Variants in EYA2 observed in about 807,000 individuals in gnomAD.
The protein encoded by EYA2 is EYA transcriptional coactivator and phosphatase 2.
In EYA2, 31 loss-of-function variants were observed where a neutral mutation model predicts 69.2. The ratio of observed to expected loss-of-function variants is 0.45; its 90% CI spans 0.34 to 0.60. EYA2 has a LOEUF of 0.60. Ranked by LOEUF, EYA2 falls within the 20% of genes least tolerant of loss-of-function variation. EYA2 has a pLI of 0.02. For missense variants in EYA2, 622 were observed against 701.2 expected, an observed-to-expected ratio of 0.89 and a Z score of 1.28; for synonymous variants, 257 against 279.4, an observed-to-expected ratio of 0.92 and a Z score of 0.80.
At chr20:47,144,692 T>C (rs1283497011) in intron 10 of EYA2, among the ~76,000 whole-genome samples, 3 of 152,224 alleles carry the variant, frequency 2.0e-5, no homozygotes, top group Admixed American at 6.5e-5. Flanking sequence ...TAAAATGGAA[T>C]TGGTATTCTT....
intron 7 of EYA2, among the ~76,000 whole-genome samples, chr20:47,086,221 C>T (rs1287833896): frequency 6.6e-6 from 1 of 152,256 alleles, no homozygotes; most frequent in Middle Eastern, 3.4e-3. Context: ...CACAGTGGCT[C>T]ATTCCTGTAA....
chr20:47,185,438 T>A (rs1198095514), intron 15 of EYA2, among the ~76,000 whole-genome samples: 2 of 151,858 alleles, frequency 1.3e-5, no homozygotes, highest in Non-Finnish European at 2.9e-5. Context: ...GTAGCTGGGA[T>A]TACAGGCATG....
chr20:47,083,193 A>C (rs1182545643), intron 7 of EYA2, among the ~76,000 whole-genome samples: 2 of 152,248 alleles, frequency 1.3e-5, no homozygotes, highest in East Asian at 3.8e-4. Flanking sequence ...CTGTCTCCAC[A>C]GTAAATAAAT....
chr20:47,144,347 A>G (rs1211459846), intron 10 of EYA2, among the ~76,000 whole-genome samples: 5 of 130,030 alleles, frequency 3.8e-5, no homozygotes, highest in Admixed American at 2.9e-4. Context: ...AGAGCAAGAC[A>G]CCATCAAAAA....
At chr20:46,928,918 C>T (rs1205472449) in intron 1 of EYA2, among the ~76,000 whole-genome samples, 1 of 152,138 alleles carries the variant, frequency 6.6e-6, no homozygotes, top group Non-Finnish European at 1.5e-5. Context: ...CAAGCAAATT[C>T]TCCCCTCCAA....
At chr20:47,059,928 C>T (rs2030802250) in intron 5 of EYA2, among the ~76,000 whole-genome samples, 1 of 152,194 alleles carries the variant, frequency 6.6e-6, no homozygotes. Flanking sequence ...CTTCCTAGAG[C>T]AGAGATCACA....
rs781770395 is a variant in EYA2 at position 47,179,877 on chromosome 20, C to T, written c.1278C>T (p.Thr426=). Reference sequence around the variant, plus strand: ...AAGCTCTCACAGACCTCTGGCTGACCCACTCCCTGAAGGCACTAAACCTCA... The same window carrying T: ...AAGCTCTCACAGACCTCTGGCTGACTCACTCCCTGAAGGCACTAAACCTCA... The part of the protein sequence containing the change: ...ELEALTDLWL[T]HSLKALNLIN... Residue 426 remains threonine, a synonymous_variant, in exon 13 of 16, where the codon ACC becomes ACT. Coordinates refer to ENST00000327619, the MANE Select transcript of EYA2 (RefSeq NM_005244.5). 6.2e-7 allele frequency: 1 copy of T among 1,614,046 alleles called. No homozygotes were observed. The highest frequency in any genetic ancestry group is 8.5e-7 in the Non-Finnish European group (1 of 1,179,998).
At chr20:47,164,602 G>C (rs1300504765) in intron 10 of EYA2, among the ~76,000 whole-genome samples, 2 of 152,170 alleles carry the variant, frequency 1.3e-5, no homozygotes, top group Admixed American at 6.5e-5. Flanking sequence ...TAACATGTCA[G>C]GATTGCTCAT....
At chr20:47,038,335 A>G (rs1984834527) in intron 5 of EYA2, among the ~76,000 whole-genome samples, 1 of 152,084 alleles carries the variant, frequency 6.6e-6, no homozygotes, top group Admixed American at 6.5e-5. Context: ...CCCCGTCTCT[A>G]CAAAAATTAG....
chr20:47,089,943 G>T (rs1397550645), intron 8 of EYA2, among the ~76,000 whole-genome samples: 1 of 151,774 alleles, frequency 6.6e-6, no homozygotes, highest in African/African-American at 2.4e-5. Context: ...TCTCGGTGGG[G>T]ACTCTAATAA....
At chr20:46,956,732 A>G (rs1355736576) in intron 1 of EYA2, among the ~76,000 whole-genome samples, 1 of 152,208 alleles carries the variant, frequency 6.6e-6, no homozygotes, top group Non-Finnish European at 1.5e-5. Flanking sequence ...GTGGGCACAT[A>G]AGCATCCCTG....
chr20:47,074,533 A>G (rs1379157865), intron 7 of EYA2, among the ~76,000 whole-genome samples, 198 bp downstream of exon 7: 1 of 152,224 alleles, frequency 6.6e-6, no homozygotes, highest in Non-Finnish European at 1.5e-5. Context: ...GGCTAAATCC[A>G]TCTCTCAGAC....
At chr20:46,988,123 G>C (rs960772881) in intron 1 of EYA2, among the ~76,000 whole-genome samples, 1 of 149,330 alleles carries the variant, frequency 6.7e-6, no homozygotes, top group Non-Finnish European at 1.5e-5. Flanking sequence ...TAAAGTATAT[G>C]GGAGGATGTA....
At chr20:47,050,100 A>C (rs1043863886) in intron 5 of EYA2, among the ~76,000 whole-genome samples, 7 of 152,134 alleles carry the variant, frequency 4.6e-5, no homozygotes, top group Non-Finnish European at 7.3e-5. Flanking sequence ...AACCTTGATC[A>C]TCATGCTCGA....
intron 10 of EYA2, among the ~76,000 whole-genome samples, chr20:47,154,819 TTGTGTGTGTGTGTG>T (rs11472542): frequency 2.8e-5 from 4 of 140,794 alleles, no homozygotes; most frequent in South Asian, 2.5e-4. Context: ...TTATTTTGTT[TTGTGTGTGTGTGTG>T]TGTGTGTGTG....
rs1419381129 is a variant in EYA2, at chr20:47,007,896, A to G, written c.298+2812A>G. On this transcript the variant is annotated intron_variant, in intron 4 of 15. Coordinates refer to ENST00000327619, the MANE Select transcript of EYA2 (RefSeq NM_005244.5). ...TCCTATCTCTGCTTCCCAAAGTGCT[A>G]CAATGACAGGCATGAGCTACCATGC... Among the ~76,000 whole-genome samples the G allele has an allele frequency of 3.3e-5, 5 of 152,040 alleles. 1 individual carries two copies. The East Asian group carries it at 5.8e-4, about 18-fold the overall frequency.
intron 4 of EYA2, among the ~76,000 whole-genome samples, chr20:47,011,446 C>G (rs1331063877): frequency 6.6e-6 from 1 of 152,152 alleles, no homozygotes; most frequent in African/African-American, 2.4e-5. Context: ...CAAAGGTTTT[C>G]CACTGCAGTA....
At chr20:47,071,058 G>A (rs1158422876) in intron 5 of EYA2, among the ~76,000 whole-genome samples, 1 of 151,836 alleles carries the variant, frequency 6.6e-6, no homozygotes, top group East Asian at 1.9e-4. Flanking sequence ...ACCCAGAGCT[G>A]GAGTGCAGTG....
intron 5 of EYA2, among the ~76,000 whole-genome samples, chr20:47,028,366 A>G (rs534528297): frequency 1.3e-5 from 2 of 152,374 alleles, no homozygotes; most frequent in South Asian, 4.1e-4. Context: ...AGAAATGGAA[A>G]AGCTAATATC....
Sources: gnomAD v4.1 joint callset for allele counts (sites outside exome capture counted in the v4.1 genomes callset) on GRCh38, gnomAD v4.1.1 for gene constraint, MANE v1.5 for transcripts, NCBI Gene and HGNC (gene_info 2026-07-23, HGNC 2026-07-21) for gene names.